The following FGF14 variants were observed in gnomAD, a reference collection of about 807,000 sequenced individuals.
FGF14 encodes fibroblast growth factor homologous factor 4.
Under a neutral mutation model 25.5 loss-of-function variants are expected in FGF14, and 5 were observed. That is an observed-to-expected ratio of 0.20 (90% CI 0.10 to 0.41). The LOEUF is 0.41. Ranked by LOEUF, FGF14 falls within the 10% of genes least tolerant of loss-of-function variation. The pLI is 1.00. For missense variants in FGF14, 222 were observed against 320.1 expected, an observed-to-expected ratio of 0.69 and a Z score of 2.34; for synonymous variants, 138 against 118.3, an observed-to-expected ratio of 1.17 and a Z score of -1.08.
intron 1 of FGF14, among the ~76,000 whole-genome samples, chr13:102,022,633 A>G (rs1362984901): frequency 6.6e-6 from 1 of 152,088 alleles, no homozygotes; most frequent in Non-Finnish European, 1.5e-5. Context: ...TATTCAGTTT[A>G]ATAGCCAATG....
intron 1 of FGF14, among the ~76,000 whole-genome samples, chr13:102,341,098 A>G (rs2056936867): frequency 6.6e-6 from 1 of 152,166 alleles, no homozygotes; most frequent in Admixed American, 6.6e-5. Flanking sequence ...AAAATTAACA[A>G]AAGTAAAAGG....
At chr13:102,234,129 T>C (rs9518672) in intron 1 of FGF14, among the ~76,000 whole-genome samples, 31,438 of 114,586 alleles carry the variant, frequency 0.27, 7,174 homozygotes, top group Admixed American at 0.4. Flanking sequence ...GTGGTGATGG[T>C]TGTACACATC....
chr13:102,105,094 A>G (rs920624823), intron 1 of FGF14, among the ~76,000 whole-genome samples: 3 of 152,196 alleles, frequency 2.0e-5, no homozygotes, highest in Non-Finnish European at 4.4e-5. Context: ...CACTTGCCCC[A>G]CTATTGTGAT....
At chr13:102,305,549 G>A (rs1390673432) in intron 1 of FGF14, among the ~76,000 whole-genome samples, 1 of 152,148 alleles carries the variant, frequency 6.6e-6, no homozygotes, top group Non-Finnish European at 1.5e-5. Flanking sequence ...AAAGTTTGGT[G>A]TTAATATCAG....
At chr13:102,164,742 C>G (rs1213803816) in intron 1 of FGF14, among the ~76,000 whole-genome samples, 3 of 152,254 alleles carry the variant, frequency 2.0e-5, no homozygotes, top group Non-Finnish European at 4.4e-5. Context: ...TGTTCACCAG[C>G]TGTGTACAGC....
At chr13:101,838,250 A>G (rs1265859898) in intron 3 of FGF14, among the ~76,000 whole-genome samples, 1 of 151,828 alleles carries the variant, frequency 6.6e-6, no homozygotes, top group Non-Finnish European at 1.5e-5. Flanking sequence ...CCCTGTTCAT[A>G]TATATATATT....
At chr13:101,787,945 CA>C (rs2039944195) in intron 3 of FGF14, among the ~76,000 whole-genome samples, 1 of 152,212 alleles carries the variant, frequency 6.6e-6, no homozygotes, top group South Asian at 2.1e-4. Flanking sequence ...GATTTCACCT[CA>C]CTGCAACCTC....
intron 1 of FGF14, among the ~76,000 whole-genome samples, chr13:102,041,090 T>C (rs1394453945): frequency 6.6e-6 from 1 of 152,018 alleles, no homozygotes; most frequent in Non-Finnish European, 1.5e-5. Context: ...CTCCAGTCCC[T>C]CCTTTTACAA....
At chr13:102,306,024 C>G (rs1455245844) in intron 1 of FGF14, among the ~76,000 whole-genome samples, 1 of 152,146 alleles carries the variant, frequency 6.6e-6, no homozygotes, top group African/African-American at 2.4e-5. Flanking sequence ...TAGCATTCAT[C>G]CCCTAATGAG....
chr13:101,910,176 C>T (rs376306191), intron 1 of FGF14, among the ~76,000 whole-genome samples: 5 of 151,822 alleles, frequency 3.3e-5, no homozygotes, highest in East Asian at 1.9e-4. Context: ...CACACCAACA[C>T]GGCACATGTA....
intron 1 of FGF14, among the ~76,000 whole-genome samples, chr13:101,910,099 G>A (rs9585809): frequency 6.6e-6 from 1 of 151,998 alleles, no homozygotes; most frequent in Admixed American, 6.5e-5. Flanking sequence ...GTTGTGGGGT[G>A]GGGGTAGGGG....
At position 101,958,438 on chromosome 13, in the gene FGF14, A is replaced by G. The variant is rs1417969459; in HGVS notation, c.209-83142T>C. 2.0e-5 allele frequency among the ~76,000 whole-genome samples: 3 copies of G among 152,150 alleles called. No homozygotes were observed. The East Asian group carries it at 5.8e-4, about 29-fold the overall frequency. On this transcript the variant is annotated intron_variant, in intron 1 of 4. Coordinates refer to the FGF14 transcript ENST00000376131. ...CCACTTATGAGTCCAAAGCCCTTGC[A>G]CATCCTCCTGGACCCCAGTGGTCCT...
intron 1 of FGF14, among the ~76,000 whole-genome samples, chr13:102,104,985 AC>A (rs2044838385): frequency 1.6e-5 from 2 of 122,764 alleles, no homozygotes; most frequent in African/African-American, 2.5e-5. Flanking sequence ...TGTAGCAAGG[AC>A]TGTGTCCAGA....
chr13:101,864,765 T>C (rs1160175573), intron 3 of FGF14, among the ~76,000 whole-genome samples: 1 of 152,094 alleles, frequency 6.6e-6, no homozygotes, highest in Non-Finnish European at 1.5e-5. Context: ...ACCTAGAACA[T>C]GGAAGCACTG....
intron 1 of FGF14, among the ~76,000 whole-genome samples, chr13:102,083,063 C>T (rs2140205518): frequency 6.6e-6 from 1 of 152,352 alleles, no homozygotes; most frequent in African/African-American, 2.4e-5. Context: ...CTTCCACAAC[C>T]ATCCGTCTAA....
intron 1 of FGF14, among the ~76,000 whole-genome samples, chr13:101,988,035 T>A (rs2038688679): frequency 1.3e-5 from 2 of 152,058 alleles, no homozygotes; most frequent in Non-Finnish European, 2.9e-5. Flanking sequence ...TAAGAAGCCA[T>A]ATGTAAATCT....
At chr13:101,998,331 G>A (rs2039299297) in intron 1 of FGF14, among the ~76,000 whole-genome samples, 1 of 151,708 alleles carries the variant, frequency 6.6e-6, no homozygotes, top group South Asian at 2.1e-4. Flanking sequence ...TTTTCTCTTG[G>A]GCCCTTTTTT....
chr13:102,099,596 G>T (rs12867127), intron 1 of FGF14, among the ~76,000 whole-genome samples: 58,324 of 151,690 alleles, frequency 0.38, 13,406 homozygotes, highest in Non-Finnish European at 0.51. Context: ...AAGGCTCAAA[G>T]TCATATAATA....
At chr13:102,150,078 G>C (rs1566747309) in intron 1 of FGF14, among the ~76,000 whole-genome samples, 1 of 152,138 alleles carries the variant, frequency 6.6e-6, no homozygotes, top group Admixed American at 6.6e-5. Context: ...AGTTGAAGCG[G>C]AGTAAGACAG....
Sources: gnomAD v4.1 joint callset for allele counts (sites outside exome capture counted in the v4.1 genomes callset) on GRCh38, gnomAD v4.1.1 for gene constraint, MANE v1.5 for transcripts, NCBI Gene and HGNC (gene_info 2026-07-23, HGNC 2026-07-21) for gene names.